HLTF: variants seen among roughly 807,000 people sequenced by gnomAD.
The protein encoded by HLTF is DNA-dependent ATPase/E3 ubiquitin-protein ligase HLTF.
Under a neutral mutation model 129.4 loss-of-function variants are expected in HLTF, and 127 were observed. The ratio of observed to expected loss-of-function variants is 0.98; its 90% CI spans 0.85 to 1.14. HLTF has a LOEUF of 1.14. Among genes scored for constraint, HLTF ranks in the 50% most tolerant of loss-of-function variants. The pLI is 0.00. For synonymous variants in HLTF, 332 were observed against 388.8 expected (o/e 0.85, Z 1.72); for missense variants, 1,139 against 1,187.1 (o/e 0.96, Z 0.60).
chr3:149,055,930 A>G (rs752878406), intron 13 of HLTF, among the ~76,000 whole-genome samples: 58 of 152,184 alleles, frequency 3.8e-4, no homozygotes, highest in African/African-American at 1.3e-3. Flanking sequence ...TCTCTCTCCA[A>G]TCTTTCACTC....
At chr3:149,042,475 G>C (rs1459444219) in intron 18 of HLTF, among the ~76,000 whole-genome samples, 185 bp from the exon 19 acceptor site, 1 of 152,098 alleles carries the variant, frequency 6.6e-6, no homozygotes, top group Admixed American at 6.6e-5. Context: ...CACAATATAT[G>C]AGAAATGGCT....
intron 14 of HLTF, among the ~76,000 whole-genome samples, chr3:149,054,362 G>C (rs775621609): frequency 6.6e-6 from 1 of 152,082 alleles, no homozygotes; most frequent in African/African-American, 2.4e-5. Context: ...AGTGGGAAGA[G>C]ACTAAATAAA....
intron 2 of HLTF, among the ~76,000 whole-genome samples, chr3:149,080,894 G>A (rs1436897508): frequency 1.3e-5 from 2 of 152,080 alleles, no homozygotes; most frequent in Admixed American, 6.5e-5. Flanking sequence ...GTCATACCCC[G>A]CATAACAACA....
chr3:149,050,406 T>G (rs763089896), intron 14 of HLTF, 31 bp from the exon 15 acceptor site: 1 of 1,487,698 alleles, frequency 6.7e-7, no homozygotes, highest in Non-Finnish European at 9.2e-7. Flanking sequence ...TTTTTAACAA[T>G]GAGCAGATTT....
At chr3:149,040,183 C>T (rs1449358618) in intron 20 of HLTF, 27 bp from the exon 21 acceptor site, 2 of 1,582,566 alleles carry the variant, frequency 1.3e-6, no homozygotes, top group Non-Finnish European at 1.7e-6. Flanking sequence ...GAAGTATGAG[C>T]AACACTTAAC....
chr3:149,061,883 C>T (rs1717987569), intron 10 of HLTF, among the ~76,000 whole-genome samples: 1 of 150,222 alleles, frequency 6.7e-6, no homozygotes, highest in Admixed American at 6.6e-5. Flanking sequence ...TGGCTCTTAT[C>T]AAAGAAAATA....
chr3:149,052,705 G>T (rs1717095454), intron 14 of HLTF, among the ~76,000 whole-genome samples: 1 of 152,128 alleles, frequency 6.6e-6, no homozygotes, highest in Non-Finnish European at 1.5e-5. Context: ...AAAAAGTAAA[G>T]CTGAAAATGC....
chr3:149,049,040 A>G (rs780366523), intron 15 of HLTF, 39 bp from the exon 16 acceptor site: 29 of 1,394,214 alleles, frequency 2.1e-5, no homozygotes, highest in Non-Finnish European at 2.8e-5. Context: ...AAACACAGGA[A>G]AGTAAAATAG....
rs1716634181 is a variant in HLTF at position 149,047,450 on chromosome 3, T to C, written c.1892+578A>G. ...TGAGGTCAGAAGTTTGAGACTAGCC[T>C]GGCCAACATGGCGAAACCCCATCTC... On this transcript the variant is annotated intron_variant, in intron 17 of 24. Coordinates refer to ENST00000310053, the MANE Select transcript of HLTF (RefSeq NM_003071.4). Among the ~76,000 whole-genome samples the C allele has an allele frequency of 2.0e-5, 3 of 152,166 alleles. No homozygotes were observed. The South Asian group carries it at 6.2e-4, about 32-fold the overall frequency.
At chr3:149,044,626 CG>C (rs1159330623) in intron 18 of HLTF, among the ~76,000 whole-genome samples, 3 of 152,078 alleles carry the variant, frequency 2.0e-5, no homozygotes, top group Non-Finnish European at 4.4e-5. Flanking sequence ...GGAAAATTCA[CG>C]GGCATCCTAT....
intron 18 of HLTF, among the ~76,000 whole-genome samples, chr3:149,045,184 G>T (rs1478096249): frequency 1.3e-5 from 2 of 151,504 alleles, no homozygotes; most frequent in African/African-American, 2.4e-5. Context: ...CACCAGGCAT[G>T]TTCCCAACTG....
At chr3:149,072,271 A>C (rs907560936) in intron 5 of HLTF, among the ~76,000 whole-genome samples, 8 of 152,148 alleles carry the variant, frequency 5.3e-5, no homozygotes, top group African/African-American at 1.9e-4. Flanking sequence ...TTTCAGCAAG[A>C]CTTGACCTTT....
chr3:149,083,111 C>T (rs575768099), intron 2 of HLTF, among the ~76,000 whole-genome samples: 87 of 152,122 alleles, frequency 5.7e-4, no homozygotes, highest in South Asian at 3.5e-3. Context: ...ATTAGCTGGG[C>T]ATGATGGCGC....
rs1482937048 is a variant in HLTF, at chr3:149,030,801, C to T, written c.*1419G>A. The T allele has an allele frequency of 6.6e-6, 1 of 152,170 alleles. No homozygotes were observed. Among genetic ancestry groups the T allele is most frequent in the Non-Finnish European group, 1.5e-5 (1 of 68,028 alleles). 9.4% of individuals were successfully genotyped at this position (152,170 alleles called of 1,614,324 possible). A position where few individuals can be genotyped will look rare whatever the true frequency, so the allele number is the denominator to read the frequency against. ...AAGGGACCAGGAAGATTCTAGCTGGCTAATTCACTGTTCCCTTTGAGCAAG... is the reference window on the plus strand; with the variant it reads ...AAGGGACCAGGAAGATTCTAGCTGGTTAATTCACTGTTCCCTTTGAGCAAG... On this transcript the variant is annotated 3_prime_UTR_variant, in exon 25 of 25. Coordinates refer to ENST00000310053, the MANE Select transcript of HLTF (RefSeq NM_003071.4).
At chr3:149,054,119 C>T (rs1717226274) in intron 14 of HLTF, among the ~76,000 whole-genome samples, 1 of 152,054 alleles carries the variant, frequency 6.6e-6, no homozygotes, top group African/African-American at 2.4e-5. Flanking sequence ...GAAGAGGCCA[C>T]TAAATTTGAC....
At chr3:149,061,460 G>A (rs1717941215) in intron 10 of HLTF, among the ~76,000 whole-genome samples, 1 of 151,672 alleles carries the variant, frequency 6.6e-6, no homozygotes, top group South Asian at 2.1e-4. Context: ...GAAAAACTAA[G>A]TCATTCTAAA....
intron 18 of HLTF, among the ~76,000 whole-genome samples, chr3:149,044,691 C>T (rs1334676426): frequency 1.3e-5 from 2 of 152,162 alleles, no homozygotes; most frequent in East Asian, 1.9e-4. Flanking sequence ...AATCTCTGCT[C>T]TTCCCATAGA....
intron 13 of HLTF, among the ~76,000 whole-genome samples, chr3:149,056,256 T>A: frequency 6.6e-6 from 1 of 152,246 alleles, no homozygotes; most frequent in East Asian, 1.9e-4. Context: ...GGATAATTTG[T>A]TACACAGTAA....
At chr3:149,070,405 A>AC (rs1043438099) in intron 7 of HLTF, among the ~76,000 whole-genome samples, 19 of 152,296 alleles carry the variant, frequency 1.2e-4, no homozygotes, top group African/African-American at 4.6e-4. Context: ...CAAAAATGTT[A>AC]ATGTTTTGGC....
Sources: gnomAD v4.1 joint callset for allele counts (sites outside exome capture counted in the v4.1 genomes callset) on GRCh38, gnomAD v4.1.1 for gene constraint, MANE v1.5 for transcripts, NCBI Gene and HGNC (gene_info 2026-07-23, HGNC 2026-07-21) for gene names.